Variants in NPAS4 observed in about 807,000 individuals in gnomAD.
NPAS4 encodes neuronal PAS domain-containing protein 4.
NPAS4 carries 10 observed loss-of-function variants against 64.0 expected under a neutral mutation model. The ratio of observed to expected loss-of-function variants is 0.16; its 90% CI spans 0.10 to 0.26. The LOEUF (loss-of-function observed/expected upper bound fraction) is 0.26. Ranked by LOEUF, NPAS4 falls within the 10% of genes least tolerant of loss-of-function variation. The probability of loss-of-function intolerance (pLI) is 1.00; values close to 1 mark genes in which losing one functional copy is unlikely to be tolerated. For synonymous variants in NPAS4, 441 were observed against 411.7 expected (o/e 1.07, Z -0.86); for missense variants, 886 against 992.6 (o/e 0.89, Z 1.44).
chr11:66,422,138 C>T lies in NPAS4; in HGVS notation c.194C>T (p.Pro65Leu). Residue 65 changes from proline to leucine, a missense_variant, in exon 2 of 8, where the codon CCC becomes CTC. Physicochemically the swap from Pro to Leu is moderately conservative, Grantham distance 98 (BLOSUM62 -3). Around this residue, in one of 3 missense-constraint regions of NPAS4, gnomAD observed 820 missense variants for 855.5 expected, o/e 0.96. Transcript: ENST00000311034. ...FFAGGTPLAG[P>L]TGLLSAQELE... Reference sequence around the variant, plus strand: ...CCTACAGGCACTCCTCTGGCGGGCCCCACGGGGCTTCTCTCAGCTCAAGAG... The same window carrying T: ...CCTACAGGCACTCCTCTGGCGGGCCTCACGGGGCTTCTCTCAGCTCAAGAG... The T allele has an allele frequency of 6.2e-7, 1 of 1,614,056 alleles. No individual in the cohort carries two copies. The highest frequency in any genetic ancestry group is 8.5e-7 in the Non-Finnish European group (1 of 1,180,036).
chr11:66,425,572 A>G (rs574295281), intron 7 of NPAS4, among the ~76,000 whole-genome samples: 7 of 152,174 alleles, frequency 4.6e-5, no homozygotes, highest in Non-Finnish European at 7.3e-5. Context: ...TTTACAGATG[A>G]AAATAATCAA....
At position 66,426,301 on chromosome 11, in the gene NPAS4, C is replaced by T; in HGVS notation, c.*312C>T. On this transcript the variant is annotated 3_prime_UTR_variant, in exon 8 of 8. Coordinates refer to ENST00000311034, the MANE Select transcript of NPAS4 (RefSeq NM_178864.4). ...CTTCCCCGCCGCCTTGCCCCATTGG[C>T]CTGGGCCAGTTCTCCACTCCTAGGG... 3.0e-6 allele frequency: 1 copy of T among 329,426 alleles called. No individual in the cohort carries two copies. The highest frequency in any genetic ancestry group is 5.8e-6 in the Non-Finnish European group (1 of 173,110). 20.4% of individuals were successfully genotyped at this position (329,426 alleles called of 1,614,324 possible).
rs752901221 is a variant in NPAS4, at chr11:66,422,856, C to T, written c.613C>T (p.Pro205Ser). Residue 205 changes from proline (P) to serine (S), a missense_variant, in exon 4 of 8, where the codon CCT becomes TCT. Pro to Ser is a moderately conservative substitution (Grantham distance 74). Coordinates refer to ENST00000311034, the MANE Select transcript of NPAS4 (RefSeq NM_178864.4). ...LEPRPRPGPG[P>S]GPGPASLFLA... is the part of the protein sequence containing the mutation. ...GCCGAGACCCCGCCCAGGTCCTGGC[C>T]CTGGCCCTGGCCCTGCCTCGCTCTT... 6.2e-7 allele frequency: 1 copy of T among 1,613,014 alleles called. No homozygotes were observed. Among genetic ancestry groups the T allele is most frequent in the Non-Finnish European group, 8.5e-7 (1 of 1,180,024 alleles).
intron 1 of NPAS4, 42 bp from the exon 2 acceptor site, chr11:66,422,078 C>T (rs1049195236): frequency 1.9e-6 from 3 of 1,589,936 alleles, no homozygotes; most frequent in African/African-American, 2.7e-5. Flanking sequence ...TTCTCTGCCT[C>T]CCAGTCTTAC....
chr11:66,425,573 A>C (rs1856827408), intron 7 of NPAS4, among the ~76,000 whole-genome samples: 1 of 152,146 alleles, frequency 6.6e-6, no homozygotes, highest in Admixed American at 6.6e-5. Flanking sequence ...TTACAGATGA[A>C]AATAATCAAG....
the NPAS4 span, among the ~76,000 whole-genome samples, chr11:66,414,214 G>T: frequency 6.6e-6 from 1 of 152,168 alleles, no homozygotes; most frequent in Non-Finnish European, 1.5e-5. Context: ...AGTGGTGGTG[G>T]AGAGGACTCT....
the NPAS4 span, among the ~76,000 whole-genome samples, chr11:66,415,333 G>A: frequency 4.8e-3 from 730 of 152,318 alleles, 7 homozygotes; most frequent in African/African-American, 0.016. Context: ...CTTTGGAACA[G>A]TAAAGGGGGC....
Position 66,426,129 on chromosome 11 carries a change from T to TGGGGGGGG in NPAS4, c.*143_*150dup. On this transcript the variant is annotated 3_prime_UTR_variant, in exon 8 of 8. Coordinates refer to ENST00000311034, the MANE Select transcript of NPAS4 (RefSeq NM_178864.4). ...TGATTCCCCAGGCCCTGCAGGATTTTGGGGGGGGGGAGGTGGGAGGGCAAG... is the reference window on the plus strand; with the variant it reads ...TGATTCCCCAGGCCCTGCAGGATTTTGGGGGGGGGGGGGGGGGGAGGTGGGAGGGCAAG... 3.1e-6 allele frequency: 1 copy of TGGGGGGGG among 322,060 alleles called. No individual in the cohort carries two copies. The allele number at this position is 322,060 out of a possible 1,614,324, so 20.0% of individuals were successfully genotyped here. A position where few individuals can be genotyped will look rare whatever the true frequency, so the allele number is the denominator to read the frequency against.
upstream of NPAS4, among the ~76,000 whole-genome samples, chr11:66,417,569 A>G (rs1178494016): frequency 6.6e-6 from 1 of 152,160 alleles, no homozygotes; most frequent in African/African-American, 2.4e-5. Flanking sequence ...TGTTAGGTGG[A>G]AAGAGGTGAG....
chr11:66,423,079 G>A, intron 4 of NPAS4, 44 bp from the exon 5 acceptor site: 3 of 1,521,478 alleles, frequency 2.0e-6, no homozygotes, highest in South Asian at 2.3e-5. Flanking sequence ...TGGGTATCAA[G>A]CAAGGAAAAC....
chr11:66,418,040 C>T (rs1030048130), upstream of NPAS4, among the ~76,000 whole-genome samples: 27 of 152,122 alleles, frequency 1.8e-4, no homozygotes, highest in Non-Finnish European at 8.8e-5. Context: ...TCTTTTCCTT[C>T]AATTGCCCAA....
the NPAS4 span, among the ~76,000 whole-genome samples, chr11:66,412,726 T>C: frequency 2.6e-5 from 4 of 152,194 alleles, no homozygotes; most frequent in Non-Finnish European, 5.9e-5. Context: ...ATCGGTAAAC[T>C]GAGGCACAAA....
chr11:66,421,579 C>A (rs1014092143), intron 1 of NPAS4, among the ~76,000 whole-genome samples: 27 of 152,224 alleles, frequency 1.8e-4, no homozygotes, highest in African/African-American at 6.3e-4. Context: ...TCCCTAACAC[C>A]AGATTATGAG....
At chr11:66,422,055 C>T (rs1415733866) in intron 1 of NPAS4, 65 bp from the exon 2 acceptor site, 12 of 1,416,506 alleles carry the variant, frequency 8.5e-6, no homozygotes, top group Admixed American at 5.1e-5. Context: ...TCAGACCATG[C>T]CTTCCTCACT....
the NPAS4 span, chr11:66,409,258 GC>G: frequency 2.5e-5 from 2 of 81,290 alleles, no homozygotes; most frequent in African/African-American, 9.9e-5. Flanking sequence ...GGCGCCACAC[GC>G]CCCCACCACC....
chr11:66,420,453 C>T (rs553317288), upstream of NPAS4, among the ~76,000 whole-genome samples: 1 of 152,302 alleles, frequency 6.6e-6, no homozygotes, highest in South Asian at 2.1e-4. Flanking sequence ...TAAAAATGGC[C>T]AAGGGAATCC....
In NPAS4 at chr11:66,424,433, A is replaced by G; in HGVS notation, c.1543A>G (p.Ser515Gly). 6.2e-7 allele frequency: 1 copy of G among 1,614,102 alleles called. No individual in the cohort carries two copies. Among genetic ancestry groups the G allele is most frequent in the Non-Finnish European group, 8.5e-7 (1 of 1,179,990 alleles). ...TSTFPDQLLP[S>G]TATFPEPLGS... Reference sequence around the variant, plus strand: ...CACCTTCCCAGACCAGCTGCTTCCCAGCACAGCCACCTTCCCAGAGCCTCT... The same window carrying G: ...CACCTTCCCAGACCAGCTGCTTCCCGGCACAGCCACCTTCCCAGAGCCTCT... The change falls in exon 7 of 8, where the codon AGC becomes GGC. Residue 515 changes from serine to glycine, a missense_variant. By Grantham distance (56) the Ser-to-Gly change is moderately conservative. Around this residue, in one of 3 missense-constraint regions of NPAS4, gnomAD observed 820 missense variants for 855.5 expected, o/e 0.96. Coordinates refer to ENST00000311034, the MANE Select transcript of NPAS4 (RefSeq NM_178864.4).
Position 66,424,988 on chromosome 11 carries a change from C to A in NPAS4, c.2098C>A (p.Pro700Thr). 1 of 1,614,184 alleles carries A rather than the reference C, an allele frequency of 6.2e-7. No homozygotes were observed. The highest frequency in any genetic ancestry group is 8.5e-7 in the Non-Finnish European group (1 of 1,180,040). Reference protein sequence around the residue: ...KCQELDFLADPDNMFLEETPV... With the variant: ...KCQELDFLADTDNMFLEETPV... The stretch of plus-strand genomic sequence containing the variant: ...CCAGGAGCTGGACTTCCTGGCTGAC[C>A]CTGATAACATGTTCCTGGAAGAGAC... The change falls in exon 7 of 8, where the codon CCT (proline) becomes ACT (threonine). Residue 700 changes from proline (P) to threonine (T), a missense_variant. Pro to Thr is a conservative substitution (Grantham distance 38). Around this residue, in one of 3 missense-constraint regions of NPAS4, gnomAD observed 820 missense variants for 855.5 expected, o/e 0.96. Coordinates refer to ENST00000311034, the MANE Select transcript of NPAS4 (RefSeq NM_178864.4).
chr11:66,415,426 A>T, the NPAS4 span, among the ~76,000 whole-genome samples: 1 of 152,126 alleles, frequency 6.6e-6, no homozygotes, highest in Non-Finnish European at 1.5e-5. Context: ...CCTGGTGTGA[A>T]CTCATCCTCT....
Sources: gnomAD v4.1 joint callset for allele counts (sites outside exome capture counted in the v4.1 genomes callset) on GRCh38, gnomAD v4.1.1 for gene constraint, gnomAD v4.1.1 regional missense constraint, MANE v1.5 for transcripts, NCBI Gene and HGNC (gene_info 2026-07-23, HGNC 2026-07-21) for gene names.